CNTN4: variants seen among roughly 807,000 people sequenced by gnomAD.
CNTN4 encodes the protein contactin-4.
CNTN4 carries 77 observed loss-of-function variants against 122.5 expected under a neutral mutation model. That is an observed-to-expected ratio of 0.63 (90% CI 0.52 to 0.76). CNTN4 has a LOEUF of 0.76. Among genes scored for constraint, CNTN4 ranks in the 30% least tolerant of loss-of-function variants. CNTN4 has a pLI of 0.00. For synonymous variants in CNTN4, 512 were observed against 447.0 expected, an observed-to-expected ratio of 1.15 and a Z score of -1.83; for missense variants, 1,256 against 1,259.1, an observed-to-expected ratio of 1.00 and a Z score of 0.04.
intron 10 of CNTN4, 106 bp downstream of exon 10, chr3:2,887,330 T>C: frequency 9.4e-7 from 1 of 1,058,672 alleles, no homozygotes; most frequent in African/African-American, 1.6e-5. Flanking sequence ...TGGTGCAGAA[T>C]AGGACTGTGT....
rs1157323571 is a variant in CNTN4 at position 3,037,389 on chromosome 3, G to A, written c.2092+61G>A. The A allele has an allele frequency of 7.5e-6, 12 of 1,605,446 alleles. No homozygotes were observed. The African/African-American group carries it at 8.0e-5, about 11-fold the overall frequency. ...CCAGCTGCTGTTCCTTAGGAAAAGC[G>A]TTTGAATTCTTGCTGCTCTTCAGCG... On this transcript the variant is annotated intron_variant, in intron 18 of 24. Coordinates refer to ENST00000418658, the MANE Select transcript of CNTN4 (RefSeq NM_175607.3).
chr3:2,915,538 T>C (rs890701737), intron 12 of CNTN4, among the ~76,000 whole-genome samples: 7 of 152,242 alleles, frequency 4.6e-5, no homozygotes, highest in African/African-American at 7.2e-5. Context: ...GACTTAATAC[T>C]AGGTTAAATA....
rs367957873 is a variant in CNTN4 at position 2,960,162 on chromosome 3, G to C, written c.1359-28183G>C. ...TTTTGAACCTGTGGAGATTGTAAAA[G>C]GCTACATCCCTAGTGAAAATTGGTT... is the stretch of plus-strand genomic sequence containing the variant. On this transcript the variant is annotated intron_variant, in intron 13 of 24. Transcript: ENST00000418658. 3.3e-5 allele frequency among the ~76,000 whole-genome samples: 5 copies of C among 152,138 alleles called. No homozygotes were observed. The East Asian group carries it at 5.8e-4, about 18-fold the overall frequency.
intron 3 of CNTN4, among the ~76,000 whole-genome samples, chr3:2,429,183 C>T (rs552255134): frequency 1.3e-5 from 2 of 152,332 alleles, no homozygotes; most frequent in Admixed American, 1.3e-4. Context: ...TTCAGGTTTT[C>T]TGCTCTGCTT....
intron 3 of CNTN4, among the ~76,000 whole-genome samples, chr3:2,566,572 C>G (rs1391944005): frequency 1.3e-5 from 2 of 152,152 alleles, no homozygotes; most frequent in Non-Finnish European, 2.9e-5. Flanking sequence ...ACAAAGATTC[C>G]TACCTTCATA....
At chr3:2,424,088 T>C (rs1452818802) in intron 3 of CNTN4, among the ~76,000 whole-genome samples, 5 of 151,722 alleles carry the variant, frequency 3.3e-5, no homozygotes, top group Admixed American at 6.6e-5. Context: ...TATTATACTT[T>C]GAGTTCTAGG....
At chr3:2,549,350 T>C (rs1200176078) in intron 3 of CNTN4, among the ~76,000 whole-genome samples, 1 of 152,144 alleles carries the variant, frequency 6.6e-6, no homozygotes, top group Admixed American at 6.6e-5. Context: ...CATAAATAGC[T>C]CTTATTATTT....
chr3:2,877,812 CTT>C (rs950367133), intron 8 of CNTN4, among the ~76,000 whole-genome samples: 7 of 152,118 alleles, frequency 4.6e-5, no homozygotes, highest in African/African-American at 1.7e-4. Context: ...TAAATGCACT[CTT>C]ATTTTAAGGG....
intron 2 of CNTN4, among the ~76,000 whole-genome samples, chr3:2,180,563 C>T (rs977637451): frequency 1.3e-5 from 2 of 152,018 alleles, no homozygotes; most frequent in Non-Finnish European, 2.9e-5. Flanking sequence ...AAGAAAGTTA[C>T]TGATTAGTTT....
intron 4 of CNTN4, among the ~76,000 whole-genome samples, chr3:2,641,161 T>G (rs1464233562): frequency 6.6e-6 from 1 of 152,138 alleles, no homozygotes; most frequent in Non-Finnish European, 1.5e-5. Context: ...ACCAAACGCA[T>G]TACATTTTAA....
chr3:2,660,255 T>G (rs932043572), intron 4 of CNTN4, among the ~76,000 whole-genome samples: 2 of 152,198 alleles, frequency 1.3e-5, no homozygotes, highest in Non-Finnish European at 2.9e-5. Context: ...TCAAAACATT[T>G]TTTAAAAAAA....
At chr3:3,008,883 T>C (rs1355283797) in intron 14 of CNTN4, 2 of 924,436 alleles carry the variant, frequency 2.2e-6, no homozygotes, top group Non-Finnish European at 2.6e-6. Context: ...CCCATTGTCC[T>C]CGGCATTCTA....
chr3:2,528,236 G>A (rs917691961), intron 3 of CNTN4, among the ~76,000 whole-genome samples: 4 of 152,164 alleles, frequency 2.6e-5, no homozygotes, highest in African/African-American at 7.2e-5. Flanking sequence ...TTGTAGTCTT[G>A]ATTCTTTGTT....
At chr3:2,576,551 C>CTTTT in intron 4 of CNTN4, among the ~76,000 whole-genome samples, 1 of 131,238 alleles carries the variant, frequency 7.6e-6, no homozygotes, top group Non-Finnish European at 1.6e-5. Context: ...CTGTTTTTTT[C>CTTTT]TTTTTTTTTT....
intron 6 of CNTN4, among the ~76,000 whole-genome samples, chr3:2,802,852 CT>C (rs1199655345): frequency 2.1e-5 from 3 of 141,154 alleles, no homozygotes; most frequent in Admixed American, 7.0e-5. Flanking sequence ...GAACACAAAA[CT>C]TTAATACTTT....
chr3:2,488,723 A>G (rs1212646126), intron 3 of CNTN4, among the ~76,000 whole-genome samples: 1 of 152,216 alleles, frequency 6.6e-6, no homozygotes, highest in Non-Finnish European at 1.5e-5. Flanking sequence ...GGACCTATCA[A>G]CAACATGAAA....
chr3:2,628,044 G>A (rs538365479), intron 4 of CNTN4, among the ~76,000 whole-genome samples: 1 of 152,270 alleles, frequency 6.6e-6, no homozygotes, highest in Admixed American at 6.5e-5. Context: ...TTGAGAGGTG[G>A]CTGAACTGGC....
At chr3:2,874,350 A>G (rs944871338) in intron 8 of CNTN4, among the ~76,000 whole-genome samples, 6 of 152,350 alleles carry the variant, frequency 3.9e-5, no homozygotes, top group Non-Finnish European at 5.9e-5. Flanking sequence ...CTAAAGTTTC[A>G]TTCTTTACTG....
At chr3:2,900,634 A>G in intron 10 of CNTN4, 51 bp from the exon 11 acceptor site, 1 of 1,590,650 alleles carries the variant, frequency 6.3e-7, no homozygotes. Flanking sequence ...ATAAAAATAG[A>G]TTGAGTACAC....
Sources: allele counts gnomAD v4.1 joint callset (sites outside exome capture counted in the v4.1 genomes callset), GRCh38; gene constraint gnomAD v4.1.1; transcripts MANE v1.5; gene names NCBI Gene and HGNC (gene_info 2026-07-23, HGNC 2026-07-21).